Variants in B3GALT1 observed in about 807,000 individuals in gnomAD.
B3GALT1 encodes UDP-Gal:betaGlcNAc beta 1,3-galactosyltransferase, polypeptide 1.
B3GALT1 carries 10 observed loss-of-function variants against 23.2 expected under a neutral mutation model. The observed-to-expected ratio is 0.43, with a 90% confidence interval of 0.27 to 0.73. The LOEUF (loss-of-function observed/expected upper bound fraction) is 0.73, where lower values mean the gene tolerates loss of function less well. Ranked by LOEUF, B3GALT1 falls within the 30% of genes least tolerant of loss-of-function variation. The probability of loss-of-function intolerance (pLI) is 0.21; values close to 1 mark genes in which losing one functional copy is unlikely to be tolerated. For missense variants in B3GALT1, 299 were observed against 405.4 expected, an observed-to-expected ratio of 0.74 and a Z score of 2.25; for synonymous variants, 156 against 141.5, an observed-to-expected ratio of 1.10 and a Z score of -0.73.
At position 167,818,836 on chromosome 2, in the gene B3GALT1, A is replaced by G. The variant is rs944592026; in HGVS notation, c.-230+43A>G. ...TAGGCGAGAAACACGTTTCTCAGTTATGCAGCCCAGCGTCGAGGAAAAATA... is the reference window on the plus strand; with the variant it reads ...TAGGCGAGAAACACGTTTCTCAGTTGTGCAGCCCAGCGTCGAGGAAAAATA... On this transcript the variant is annotated intron_variant, in intron 4 of 4. Transcript: ENST00000392690. Among the ~76,000 whole-genome samples, 10 of 152,316 alleles carry G rather than the reference A, an allele frequency of 6.6e-5. No homozygotes were observed. The East Asian group carries it at 1.9e-3, about 29-fold the overall frequency.
chr2:167,559,903 T>A (rs999795211), intron 2 of B3GALT1, among the ~76,000 whole-genome samples: 1 of 152,178 alleles, frequency 6.6e-6, no homozygotes, highest in African/African-American at 2.4e-5. Flanking sequence ...CCAGGAGAAC[T>A]TCCCCAATCT....
At chr2:167,746,558 A>G (rs1687655279) in intron 3 of B3GALT1, among the ~76,000 whole-genome samples, 1 of 152,226 alleles carries the variant, frequency 6.6e-6, no homozygotes, top group Non-Finnish European at 1.5e-5. Context: ...CTGTTGAACA[A>G]ATTTATTTTA....
At chr2:167,455,902 C>T (rs1699162684) in intron 1 of B3GALT1, among the ~76,000 whole-genome samples, 1 of 151,918 alleles carries the variant, frequency 6.6e-6, no homozygotes, top group Non-Finnish European at 1.5e-5. Context: ...TGTTTTAGTC[C>T]CTTAAAAATG....
intron 2 of B3GALT1, among the ~76,000 whole-genome samples, chr2:167,619,263 TC>T (rs1193972838): frequency 6.6e-6 from 1 of 152,004 alleles, no homozygotes. Flanking sequence ...CCCTGTCCCC[TC>T]CCCATTGAAT....
intron 1 of B3GALT1, among the ~76,000 whole-genome samples, chr2:167,448,753 CA>C (rs1261584187): frequency 6.6e-6 from 1 of 152,100 alleles, no homozygotes; most frequent in East Asian, 1.9e-4. Context: ...TTAAGTCCTT[CA>C]TTCATTTTGA....
chr2:167,576,232 T>C (rs1483402585), intron 2 of B3GALT1, among the ~76,000 whole-genome samples: 1 of 151,776 alleles, frequency 6.6e-6, no homozygotes, highest in Non-Finnish European at 1.5e-5. Context: ...AAATGTTTCA[T>C]TGTAGATCCT....
intron 1 of B3GALT1, among the ~76,000 whole-genome samples, chr2:167,460,923 T>G (rs1297806378): frequency 6.6e-6 from 1 of 152,170 alleles, no homozygotes; most frequent in African/African-American, 2.4e-5. Flanking sequence ...TCCCTATATA[T>G]GCAGTTGCTT....
At chr2:167,497,975 G>C (rs186582973) in intron 2 of B3GALT1, among the ~76,000 whole-genome samples, 19 of 151,968 alleles carry the variant, frequency 1.3e-4, no homozygotes, top group Admixed American at 5.9e-4. Context: ...ATCTGTCTTT[G>C]GTTAAAAAAA....
intron 1 of B3GALT1, among the ~76,000 whole-genome samples, chr2:167,424,264 G>T (rs1698590936): frequency 6.6e-6 from 1 of 152,110 alleles, no homozygotes; most frequent in Non-Finnish European, 1.5e-5. Flanking sequence ...CCTAAGAAAA[G>T]AATAAAAAGG....
In B3GALT1 at chr2:167,412,744, CAAAAT is replaced by C. The variant is rs542378340; in HGVS notation, c.-510-77429_-510-77425del. ...AGAAATTACACACCTATTATAGAGA[CAAAAT>C]AAATGTGTACATCTCTTCATCAAAT... On this transcript the variant is annotated intron_variant, in intron 1 of 4. Transcript: ENST00000392690. 6.6e-5 allele frequency among the ~76,000 whole-genome samples: 10 copies of C among 152,078 alleles called. No homozygotes were observed. The South Asian group carries it at 2.1e-3, about 32-fold the overall frequency.
intron 1 of B3GALT1, among the ~76,000 whole-genome samples, chr2:167,401,088 T>G (rs1698181259): frequency 6.6e-6 from 1 of 152,026 alleles, no homozygotes; most frequent in South Asian, 2.1e-4. Context: ...TACTTTCCCC[T>G]TAATCTGCTT....
In B3GALT1 at chr2:167,571,316, A is replaced by G. The variant is rs79223411; in HGVS notation, c.-409-75593A>G. The stretch of plus-strand genomic sequence containing the variant: ...TGTGGCTCAAACGTGCACCTCTCCA[A>G]TGATTTAGGCACAGGCTAGAATTCC... On this transcript the variant is annotated intron_variant, in intron 2 of 4. Coordinates refer to ENST00000392690, the MANE Select transcript of B3GALT1 (RefSeq NM_020981.4). Among the ~76,000 whole-genome samples, 659 of 152,024 alleles carry G rather than the reference A, an allele frequency of 4.3e-3. 23 individuals are homozygous for G. In the East Asian group the frequency reaches 0.083, roughly 19 times the overall value.
intron 1 of B3GALT1, among the ~76,000 whole-genome samples, chr2:167,448,845 T>C (rs1699043320): frequency 6.6e-6 from 1 of 152,212 alleles, no homozygotes; most frequent in Non-Finnish European, 1.5e-5. Context: ...GGACCATTTG[T>C]TGAATAGGGT....
rs542121069 is a variant in B3GALT1 at position 167,440,599 on chromosome 2, A to G, written c.-510-49578A>G. On this transcript the variant is annotated intron_variant, in intron 1 of 4. Transcript: ENST00000392690. Reference sequence around the variant, plus strand: ...TTTTTAATTTTTGTATGGCCCTGTGATTTTTTCTTTATTTGGTTCTGAATT... The same window carrying G: ...TTTTTAATTTTTGTATGGCCCTGTGGTTTTTTCTTTATTTGGTTCTGAATT... Among the ~76,000 whole-genome samples the G allele has an allele frequency of 2.6e-3, 389 of 151,370 alleles. 1 individual carries two copies. Among genetic ancestry groups the G allele is most frequent in the Middle Eastern group, 0.014 (4 of 294 alleles).
At chr2:167,856,509 C>G (rs1045531005) in intron 4 of B3GALT1, among the ~76,000 whole-genome samples, 25 of 152,068 alleles carry the variant, frequency 1.6e-4, no homozygotes, top group Non-Finnish European at 2.8e-4. Flanking sequence ...AAAAAGCAGG[C>G]TGAGGAGGTG....
intron 2 of B3GALT1, among the ~76,000 whole-genome samples, chr2:167,632,838 T>C (rs1685474501): frequency 6.6e-6 from 1 of 152,092 alleles, no homozygotes; most frequent in Non-Finnish European, 1.5e-5. Context: ...TTGTTGCCAT[T>C]GCTTTTGGTG....
At chr2:167,656,351 G>A (rs1685955749) in intron 3 of B3GALT1, among the ~76,000 whole-genome samples, 1 of 152,136 alleles carries the variant, frequency 6.6e-6, no homozygotes, top group African/African-American at 2.4e-5. Context: ...ATGACAAAGA[G>A]CAAAAACAAG....
chr2:167,304,308 G>C (rs1307535505), intron 1 of B3GALT1, among the ~76,000 whole-genome samples: 2 of 152,128 alleles, frequency 1.3e-5, no homozygotes, highest in Non-Finnish European at 2.9e-5. Flanking sequence ...ATATCCCTTA[G>C]TTTTCAAAAA....
intron 2 of B3GALT1, among the ~76,000 whole-genome samples, chr2:167,504,648 C>A (rs914376505): frequency 2.2e-4 from 32 of 142,470 alleles, no homozygotes; most frequent in Non-Finnish European, 3.9e-4. Context: ...TCATACACTG[C>A]ATGACAGTTT....
Sources: allele counts gnomAD v4.1 joint callset (sites outside exome capture counted in the v4.1 genomes callset), GRCh38; gene constraint gnomAD v4.1.1; transcripts MANE v1.5; gene names NCBI Gene and HGNC (gene_info 2026-07-23, HGNC 2026-07-21).